The following SPOCK3 variants were observed in gnomAD, a reference collection of about 807,000 sequenced individuals.
The protein encoded by SPOCK3 is SPARC (osteonectin), cwcv and kazal like domains proteoglycan 3.
Under a neutral mutation model 56.6 loss-of-function variants are expected in SPOCK3, and 30 were observed. The observed-to-expected ratio is 0.53, with a 90% CI of 0.40 to 0.72. The LOEUF (loss-of-function observed/expected upper bound fraction) is 0.72. SPOCK3 is among the 30% of genes least tolerant of loss of function. SPOCK3 has a pLI of 0.00. For synonymous variants in SPOCK3, 196 were observed against 183.3 expected (o/e 1.07, Z -0.56); for missense variants, 527 against 530.0 (o/e 0.99, Z 0.06).
chr4:166,843,577 AT>A (rs1485615655), intron 6 of SPOCK3, among the ~76,000 whole-genome samples: 2 of 152,180 alleles, frequency 1.3e-5, no homozygotes, highest in African/African-American at 4.8e-5. Flanking sequence ...AAGGAAATAA[AT>A]TCTGCCAACC....
intron 3 of SPOCK3, among the ~76,000 whole-genome samples, chr4:167,052,878 T>C (rs1387130238): frequency 6.6e-6 from 1 of 152,200 alleles, no homozygotes. Flanking sequence ...GTAATAATAG[T>C]GCATTTTAAG....
chr4:167,098,460 C>T (rs972183112), intron 2 of SPOCK3, among the ~76,000 whole-genome samples: 6 of 151,978 alleles, frequency 3.9e-5, no homozygotes, highest in African/African-American at 1.4e-4. Context: ...AACTATCTAT[C>T]TCTCCATCTA....
intron 2 of SPOCK3, among the ~76,000 whole-genome samples, chr4:167,063,784 C>G (rs1227592173): frequency 1.3e-5 from 2 of 151,866 alleles, no homozygotes; most frequent in Non-Finnish European, 2.9e-5. Context: ...ATTTGACTTT[C>G]TCTTTCTGAG....
intron 2 of SPOCK3, among the ~76,000 whole-genome samples, chr4:167,109,219 TAG>T (rs1561224725): frequency 1.2e-5 from 1 of 83,780 alleles, no homozygotes; most frequent in Non-Finnish European, 2.1e-5. Flanking sequence ...ATATTATATA[TAG>T]TATATAATAT....
intron 2 of SPOCK3, among the ~76,000 whole-genome samples, chr4:167,209,515 T>C (rs2111016467): frequency 6.6e-6 from 1 of 152,196 alleles, no homozygotes; most frequent in East Asian, 1.9e-4. Context: ...TAGAAGAAAA[T>C]CTTTCATGTC....
intron 3 of SPOCK3, among the ~76,000 whole-genome samples, chr4:167,025,498 T>C (rs998195007): frequency 6.6e-6 from 1 of 152,066 alleles, no homozygotes; most frequent in Non-Finnish European, 1.5e-5. Context: ...AGAAATAATA[T>C]GTATAACGAT....
intron 6 of SPOCK3, among the ~76,000 whole-genome samples, chr4:166,843,177 A>C (rs1426270020): frequency 6.7e-6 from 1 of 150,226 alleles, no homozygotes; most frequent in South Asian, 2.1e-4. Context: ...CTCCCTCCAC[A>C]CCCCCCCGCA....
chr4:166,817,089 C>T (rs1161118834), intron 6 of SPOCK3, among the ~76,000 whole-genome samples: 2 of 151,984 alleles, frequency 1.3e-5, no homozygotes, highest in African/African-American at 2.4e-5. Context: ...TTACCCACAG[C>T]GACAGGAGCA....
chr4:166,967,281 T>C (rs1042955345), intron 4 of SPOCK3, among the ~76,000 whole-genome samples: 1 of 152,188 alleles, frequency 6.6e-6, no homozygotes, highest in Non-Finnish European at 1.5e-5. Context: ...GCTGTACAGC[T>C]GGTTATCCAG....
At chr4:166,864,802 CA>C (rs979009757) in intron 6 of SPOCK3, among the ~76,000 whole-genome samples, 3 of 150,528 alleles carry the variant, frequency 2.0e-5, no homozygotes, top group Non-Finnish European at 3.0e-5. Flanking sequence ...AGCCTACCAA[CA>C]AAAAAAAAGC....
At chr4:166,745,451 C>T (rs1465172782) in intron 8 of SPOCK3, among the ~76,000 whole-genome samples, 3 of 152,192 alleles carry the variant, frequency 2.0e-5, no homozygotes, top group Admixed American at 6.5e-5. Flanking sequence ...GGGATTTTCT[C>T]ACCACCAGGC....
At chr4:166,869,604 T>TTGTGTG (rs1732239282) in intron 6 of SPOCK3, among the ~76,000 whole-genome samples, 1 of 125,124 alleles carries the variant, frequency 8.0e-6, no homozygotes, top group African/African-American at 3.2e-5. Context: ...ACCAATAGAA[T>TTGTGTG]TCTGTGTGTG....
chr4:166,912,513 G>T, intron 5 of SPOCK3, 107 bp downstream of exon 5: 1 of 1,089,160 alleles, frequency 9.2e-7, no homozygotes, highest in Non-Finnish European at 1.3e-6. Flanking sequence ...TATTTTATAA[G>T]TTAAATGAAT....
chr4:167,203,547 C>T (rs1733722997), intron 2 of SPOCK3, among the ~76,000 whole-genome samples: 1 of 144,286 alleles, frequency 6.9e-6, no homozygotes, highest in Non-Finnish European at 1.5e-5. Context: ...AAAGATATTT[C>T]TATCTGATTA....
At chr4:166,828,844 A>C (rs1378743216) in intron 6 of SPOCK3, among the ~76,000 whole-genome samples, 1 of 151,976 alleles carries the variant, frequency 6.6e-6, no homozygotes, top group African/African-American at 2.4e-5. Flanking sequence ...ATTTCACTCA[A>C]GCTTTTCCAA....
chr4:167,036,793 A>T (rs1445725662), intron 3 of SPOCK3, among the ~76,000 whole-genome samples: 1 of 150,108 alleles, frequency 6.7e-6, no homozygotes, highest in African/African-American at 2.4e-5. Flanking sequence ...TTTATGGTTT[A>T]TTTTTTTTTA....
intron 8 of SPOCK3, among the ~76,000 whole-genome samples, chr4:166,747,644 G>T (rs1031721631): frequency 6.6e-6 from 1 of 152,100 alleles, no homozygotes; most frequent in Admixed American, 6.6e-5. Context: ...GGGCAATCAG[G>T]CAGGAGAAGG....
chr4:166,785,229 TG>T (rs936033390), intron 7 of SPOCK3, among the ~76,000 whole-genome samples: 1 of 152,106 alleles, frequency 6.6e-6, no homozygotes, highest in Non-Finnish European at 1.5e-5. Context: ...TGTTTTTCAG[TG>T]ATAGCTCTAA....
At chr4:166,976,709 G>T (rs1745988612) in intron 4 of SPOCK3, among the ~76,000 whole-genome samples, 1 of 151,934 alleles carries the variant, frequency 6.6e-6, no homozygotes, top group African/African-American at 2.4e-5. Context: ...CTAGCATAAA[G>T]AAAAGCACAC....
Sources: allele counts gnomAD v4.1 joint callset (sites outside exome capture counted in the v4.1 genomes callset), GRCh38; gene constraint gnomAD v4.1.1; transcripts MANE v1.5; gene names NCBI Gene and HGNC (gene_info 2026-07-23, HGNC 2026-07-21).